CEP128: variants seen among roughly 807,000 people sequenced by gnomAD.
CEP128 encodes centrosomal protein 128kDa.
In CEP128, 132 loss-of-function variants were observed where a neutral mutation model predicts 156.7. The observed-to-expected ratio is 0.84, with a 90% CI of 0.73 to 0.97. The LOEUF is 0.97. Among genes scored for constraint, CEP128 ranks in the 50% least tolerant of loss-of-function variants. CEP128 has a pLI of 0.00. For missense variants in CEP128, 1,252 were observed against 1,281.9 expected, an observed-to-expected ratio of 0.98 and a Z score of 0.36; for synonymous variants, 469 against 448.9, an observed-to-expected ratio of 1.04 and a Z score of -0.57.
chr14:80,888,787 A>T (rs7143031), intron 8 of CEP128, among the ~76,000 whole-genome samples: 7,292 of 151,880 alleles, frequency 0.048, 193 homozygotes, highest in Middle Eastern at 0.068. Flanking sequence ...CAGGGCAATC[A>T]GGCAAGAGAA....
intron 20 of CEP128, among the ~76,000 whole-genome samples, chr14:80,569,690 T>C (rs1891057822): frequency 6.6e-6 from 1 of 152,250 alleles, no homozygotes. Flanking sequence ...AACTAGTTCA[T>C]TCTAAAGCAG....
intron 24 of CEP128, among the ~76,000 whole-genome samples, chr14:80,498,211 G>A (rs559686056): frequency 6.6e-6 from 1 of 152,206 alleles, no homozygotes; most frequent in East Asian, 1.9e-4. Flanking sequence ...CAGTTTAAGA[G>A]CGAGCTCTAA....
intron 3 of CEP128, among the ~76,000 whole-genome samples, chr14:80,914,711 G>A (rs1195935990): frequency 6.6e-6 from 1 of 152,068 alleles, no homozygotes; most frequent in African/African-American, 2.4e-5. Flanking sequence ...TTCAATTTGT[G>A]CCCCTCAACC....
chr14:80,559,740 C>T (rs1890590713), intron 20 of CEP128, among the ~76,000 whole-genome samples: 1 of 152,164 alleles, frequency 6.6e-6, no homozygotes, highest in African/African-American at 2.4e-5. Context: ...AGCTGAAATT[C>T]AGACATATCT....
At chr14:80,912,190 C>G (rs932817530) in intron 4 of CEP128, among the ~76,000 whole-genome samples, 3 of 150,468 alleles carry the variant, frequency 2.0e-5, no homozygotes, top group Non-Finnish European at 4.4e-5. Context: ...GCATTCCAAT[C>G]TGGTGACAGA....
At chr14:80,716,176 ATAAAT>A (rs1304997855) in intron 19 of CEP128, among the ~76,000 whole-genome samples, 1 of 152,216 alleles carries the variant, frequency 6.6e-6, no homozygotes, top group Non-Finnish European at 1.5e-5. Context: ...AGTGAACCAA[ATAAAT>A]TAAATGAGAC....
At chr14:80,593,523 G>T (rs1471592077) in intron 19 of CEP128, among the ~76,000 whole-genome samples, 1 of 147,772 alleles carries the variant, frequency 6.8e-6, no homozygotes, top group African/African-American at 2.5e-5. Flanking sequence ...CTCCAGCCTG[G>T]GTGACAGAGC....
intron 21 of CEP128, among the ~76,000 whole-genome samples, chr14:80,553,703 G>A (rs1376417568): frequency 6.6e-6 from 1 of 152,090 alleles, no homozygotes; most frequent in Non-Finnish European, 1.5e-5. Context: ...ACTTTTGCAT[G>A]GGTATAGTTT....
At chr14:80,921,524 T>A (rs909754434) in intron 2 of CEP128, among the ~76,000 whole-genome samples, 2 of 152,146 alleles carry the variant, frequency 1.3e-5, no homozygotes, top group African/African-American at 4.8e-5. Flanking sequence ...CAGTTTCAGG[T>A]ATTCTCTTAT....
chr14:80,804,828 G>A (rs907708520), intron 13 of CEP128, among the ~76,000 whole-genome samples: 2 of 151,992 alleles, frequency 1.3e-5, no homozygotes, highest in Non-Finnish European at 2.9e-5. Flanking sequence ...CAAAGAAATT[G>A]TATATTGCAT....
intron 7 of CEP128, among the ~76,000 whole-genome samples, chr14:80,897,741 T>C (rs1330527671): frequency 6.6e-6 from 1 of 152,058 alleles, no homozygotes; most frequent in Non-Finnish European, 1.5e-5. Context: ...TCAACTCTCA[T>C]ATACTAGTGC....
At chr14:80,804,968 A>T (rs1884090216) in intron 13 of CEP128, among the ~76,000 whole-genome samples, 1 of 152,142 alleles carries the variant, frequency 6.6e-6, no homozygotes, top group Non-Finnish European at 1.5e-5. Flanking sequence ...ATACAAGGCA[A>T]GTTCCTGTTC....
intron 23 of CEP128, among the ~76,000 whole-genome samples, chr14:80,525,600 A>T (rs1888938626): frequency 6.6e-6 from 1 of 152,160 alleles, no homozygotes; most frequent in Non-Finnish European, 1.5e-5. Flanking sequence ...CTTGACTGGG[A>T]ATGTTGGAAG....
intron 19 of CEP128, among the ~76,000 whole-genome samples, chr14:80,630,196 T>A (rs562895020): frequency 6.6e-6 from 1 of 152,118 alleles, no homozygotes; most frequent in South Asian, 2.1e-4. Context: ...AATATTCACA[T>A]ACTTTTACAA....
At chr14:80,753,055 G>A (rs2139647908) in intron 18 of CEP128, among the ~76,000 whole-genome samples, 1 of 152,156 alleles carries the variant, frequency 6.6e-6, no homozygotes, top group South Asian at 2.1e-4. Flanking sequence ...CAGTACTTGG[G>A]AATTAATATA....
At chr14:80,681,241 A>G (rs1337877710) in intron 19 of CEP128, among the ~76,000 whole-genome samples, 1 of 152,220 alleles carries the variant, frequency 6.6e-6, no homozygotes, top group Non-Finnish European at 1.5e-5. Context: ...GGGCAAGGGA[A>G]AAACAGAAAA....
At chr14:80,702,465 C>T (rs762118893) in intron 19 of CEP128, among the ~76,000 whole-genome samples, 5 of 152,038 alleles carry the variant, frequency 3.3e-5, no homozygotes, top group African/African-American at 4.8e-5. Flanking sequence ...CAGTTCAGGC[C>T]CTGGACTGAG....
In CEP128 at chr14:80,526,912, T is replaced by C. The variant is rs1347991917; in HGVS notation, c.3029A>G (p.Gln1010Arg). 1 of 1,611,250 alleles carries C rather than the reference T, an allele frequency of 6.2e-7. No homozygotes were observed. Among genetic ancestry groups the C allele is most frequent in the South Asian group, 1.1e-5 (1 of 90,958 alleles). Residue 1010 changes from glutamine (Q) to arginine (R), a missense_variant, in exon 23 of 25, where the codon CAG becomes CGG. Gln to Arg is a conservative substitution (Grantham distance 43, BLOSUM62 1). Coordinates refer to ENST00000555265, the MANE Select transcript of CEP128 (RefSeq NM_152446.5). ...SKYRVRRNSLQHHQDDTKYRT... is the reference protein window; with the variant it reads ...SKYRVRRNSLRHHQDDTKYRT... ...GTACTTGGTGTCATCTTGGTGATGC[T>C]GAAGAGAATTTCTGCGAACCCTGTA... is the stretch of plus-strand genomic sequence containing the variant.
At chr14:80,928,430 G>A (rs1309517373) in intron 2 of CEP128, among the ~76,000 whole-genome samples, 2 of 152,092 alleles carry the variant, frequency 1.3e-5, no homozygotes, top group South Asian at 2.1e-4. Context: ...GTTCTAAAGA[G>A]ACAGACATTG....
Sources: gnomAD v4.1 joint callset for allele counts (sites outside exome capture counted in the v4.1 genomes callset) on GRCh38, gnomAD v4.1.1 for gene constraint, MANE v1.5 for transcripts, NCBI Gene and HGNC (gene_info 2026-07-23, HGNC 2026-07-21) for gene names.